PAH: variants seen among roughly 807,000 people sequenced by gnomAD.
The protein encoded by PAH is phenylalanine-4-hydroxylase.
Under a neutral mutation model 62.0 loss-of-function variants are expected in PAH, and 64 were observed. The observed-to-expected ratio is 1.03, with a 90% CI of 0.84 to 1.27. The LOEUF is 1.27. Among genes scored for constraint, PAH ranks in the 50% most tolerant of loss-of-function variants. PAH has a pLI of 0.00. For synonymous variants in PAH, 195 were observed against 196.2 expected (o/e 0.99, Z 0.05); for missense variants, 579 against 542.8 (o/e 1.07, Z -0.66).
intron 3 of PAH, among the ~76,000 whole-genome samples, chr12:102,878,602 C>A (rs1227956668): frequency 6.7e-6 from 1 of 148,820 alleles, no homozygotes; most frequent in Middle Eastern, 3.2e-3. Flanking sequence ...CTTTGTTGTA[C>A]CGGGCATAAA....
chr12:102,844,185 T>C (rs1874724743), intron 10 of PAH, 151 bp downstream of exon 10: 1 of 685,246 alleles, frequency 1.5e-6, no homozygotes, highest in South Asian at 1.6e-5. Context: ...CATCAAATCA[T>C]AGCTGCTAAG....
intron 1 of PAH, among the ~76,000 whole-genome samples, chr12:102,942,747 T>C (rs1250065837): frequency 6.6e-6 from 1 of 152,020 alleles, no homozygotes; most frequent in Admixed American, 6.5e-5. Flanking sequence ...GTTAGAGAAT[T>C]CAGAAATAAA....
intron 2 of PAH, among the ~76,000 whole-genome samples, chr12:102,896,869 T>G (rs1006173006): frequency 6.6e-6 from 1 of 152,180 alleles, no homozygotes; most frequent in Non-Finnish European, 1.5e-5. Context: ...ACTTGGACAA[T>G]GCAAGGATGA....
At chr12:102,956,440 T>TC in intron 1 of PAH, among the ~76,000 whole-genome samples, 1 of 151,978 alleles carries the variant, frequency 6.6e-6, no homozygotes, top group Admixed American at 6.5e-5. Context: ...TGCAAGCGCC[T>TC]CCCCCTCCCT....
chr12:102,868,344 G>A (rs947268363), intron 4 of PAH, among the ~76,000 whole-genome samples: 5 of 151,220 alleles, frequency 3.3e-5, no homozygotes, highest in African/African-American at 4.9e-5. Flanking sequence ...AGGGAAGATA[G>A]GAGTTAATTA....
At position 102,855,124 on chromosome 12, in the gene PAH, A is replaced by C; in HGVS notation, c.706+12T>G. ...ACTTTCTGCAGGGCCATTGACCCTG[A>C]TGTGGACTTACTCTGCAGGAACTGA... On this transcript the variant is annotated intron_variant, in intron 6 of 12. Transcript: ENST00000553106. 1 of 1,610,120 alleles carries C rather than the reference A, an allele frequency of 6.2e-7. No individual in the cohort carries two copies. Among genetic ancestry groups the C allele is most frequent in the South Asian group, 1.1e-5 (1 of 90,984 alleles).
chr12:102,901,219 CTCT>C (rs1171442612), intron 2 of PAH, among the ~76,000 whole-genome samples: 5 of 152,182 alleles, frequency 3.3e-5, no homozygotes, highest in African/African-American at 1.2e-4. Flanking sequence ...CCTCCTCCTC[CTCT>C]ATCTTATTCA....
At chr12:102,920,320 G>T (rs73391594), upstream of PAH, among the ~76,000 whole-genome samples, 4,411 of 152,214 alleles carry the variant, frequency 0.029, 218 homozygotes, top group African/African-American at 0.1. Context: ...CTAAGGAAAT[G>T]GAGGAAAAAA....
At chr12:102,858,214 A>C (rs2264805) in intron 5 of PAH, among the ~76,000 whole-genome samples, 97,054 of 151,598 alleles carry the variant, frequency 0.64, 32,419 homozygotes, top group African/African-American at 0.78. Flanking sequence ...CAACAATGAT[A>C]AAAAGAGACA....
At chr12:102,909,737 T>A (rs1007712217) in intron 2 of PAH, among the ~76,000 whole-genome samples, 2 of 152,220 alleles carry the variant, frequency 1.3e-5, no homozygotes, top group Admixed American at 6.5e-5. Context: ...GGCAGGCAGA[T>A]GACTTGAGTC....
chr12:102,940,954 A>G (rs1350761208), intron 1 of PAH, among the ~76,000 whole-genome samples: 3 of 152,210 alleles, frequency 2.0e-5, no homozygotes, highest in Admixed American at 1.3e-4. Flanking sequence ...AGGAAACCCT[A>G]TCAGGATAAC....
intron 4 of PAH, among the ~76,000 whole-genome samples, chr12:102,867,038 C>T (rs1469136929): frequency 3.9e-5 from 6 of 152,202 alleles, no homozygotes; most frequent in African/African-American, 1.4e-4. Context: ...TTGTGTCTAG[C>T]TCTACCTTTT....
rs146942329 is a variant in PAH at position 102,942,189 on chromosome 12, G to T, written c.-96+8400C>A. ...AAAACCCCATTGTGTCTGCTCTAAG[G>T]CGTCTAGATCTGATAAACAACTTCA... On this transcript the variant is annotated intron_variant, in intron 1 of 3. Transcript: ENST00000546844. Among the ~76,000 whole-genome samples, 30 of 152,040 alleles carry T rather than the reference G, an allele frequency of 2.0e-4. No individual in the cohort carries two copies. In the East Asian group the frequency reaches 5.6e-3, roughly 28 times the overall value.
chr12:102,863,927 C>T (rs1176720854), intron 5 of PAH, among the ~76,000 whole-genome samples: 1 of 152,114 alleles, frequency 6.6e-6, no homozygotes. Flanking sequence ...GCTGTAGCAG[C>T]CTTCTAGATG....
At chr12:102,910,503 T>C (rs1878163364) in intron 2 of PAH, among the ~76,000 whole-genome samples, 1 of 151,570 alleles carries the variant, frequency 6.6e-6, no homozygotes, top group Non-Finnish European at 1.5e-5. Context: ...CCCAAATAGG[T>C]GGGACTACAG....
intron 5 of PAH, among the ~76,000 whole-genome samples, chr12:102,863,888 C>T (rs913729605): frequency 6.6e-6 from 1 of 152,156 alleles, no homozygotes; most frequent in African/African-American, 2.4e-5. Context: ...AAAAGCCCAA[C>T]TTCCACTCCA....
chr12:102,918,722 G>C (rs919501577), upstream of PAH, among the ~76,000 whole-genome samples: 3 of 151,912 alleles, frequency 2.0e-5, no homozygotes, highest in Admixed American at 2.0e-4. Flanking sequence ...AACCTTTAGG[G>C]GCCTGATGAA....
chr12:102,860,422 T>C (rs1489691481), intron 5 of PAH, among the ~76,000 whole-genome samples: 1 of 152,206 alleles, frequency 6.6e-6, no homozygotes, highest in Non-Finnish European at 1.5e-5. Flanking sequence ...AGGTAATTTA[T>C]AGATTTAATG....
chr12:102,894,880 A>C lies in PAH; in HGVS notation c.207T>G (p.Pro69=), dbSNP rs550724569. Residue 69 remains proline, a synonymous_variant, in exon 3 of 13, where the codon CCT becomes CCG. Coordinates refer to ENST00000553106, the MANE Select transcript of PAH (RefSeq NM_000277.3). The part of the protein sequence containing the change: ...DVNLTHIESR[P]SRLKKDEYEF... ...CATACTCATCTTTCTTTAAACGAGA[A>C]GGTCTAGATTCAATGTGGGTCAGGT... is the stretch of plus-strand genomic sequence containing the variant. 1 of 1,613,954 alleles carries C rather than the reference A, an allele frequency of 6.2e-7. No homozygotes were observed. Among genetic ancestry groups the C allele is most frequent in the Admixed American group, 1.7e-5 (1 of 60,004 alleles).
Sources: gnomAD v4.1 joint callset for allele counts (sites outside exome capture counted in the v4.1 genomes callset) on GRCh38, gnomAD v4.1.1 for gene constraint, MANE v1.5 for transcripts, NCBI Gene and HGNC (gene_info 2026-07-23, HGNC 2026-07-21) for gene names.